Variants in TRHDE observed in about 807,000 individuals in gnomAD.
The protein encoded by TRHDE is thyrotropin releasing hormone degrading enzyme, also known as thyrotropin-releasing hormone-degrading ectoenzyme.
In TRHDE, 72 loss-of-function variants were observed where a neutral mutation model predicts 125.7. That is an observed-to-expected ratio of 0.57 (90% CI 0.47 to 0.70). TRHDE has a LOEUF of 0.70. TRHDE is among the 30% of genes least tolerant of loss of function. The pLI, the probability that TRHDE is intolerant of heterozygous loss-of-function variation, is 0.00. For synonymous variants in TRHDE, 509 were observed against 509.1 expected, an observed-to-expected ratio of 1.00 and a Z score of 0.00; for missense variants, 1,110 against 1,327.1, an observed-to-expected ratio of 0.84 and a Z score of 2.54.
At chr12:72,515,086 T>C (rs11179229) in intron 6 of TRHDE, among the ~76,000 whole-genome samples, 38,770 of 119,030 alleles carry the variant, frequency 0.33, 7,790 homozygotes, top group African/African-American at 0.66. Flanking sequence ...TGAATAGTGC[T>C]GCAATAAACA....
chr12:72,616,485 A>C (rs1217979127), intron 12 of TRHDE, among the ~76,000 whole-genome samples: 1 of 151,994 alleles, frequency 6.6e-6, no homozygotes, highest in Non-Finnish European at 1.5e-5. Flanking sequence ...GAGATAAATT[A>C]TTTGCCTAAT....
Position 72,666,236 on chromosome 12 carries a change from G to A in TRHDE, c.*3041G>A, listed in dbSNP as rs1041218026. 9 of 152,026 alleles carry A rather than the reference G, an allele frequency of 5.9e-5. No homozygotes were observed. The highest frequency in any genetic ancestry group is 2.2e-4 in the African/African-American group (9 of 41,426). The allele number at this position is 152,026 out of a possible 1,614,324, so 9.4% of individuals were successfully genotyped here. ...TGATGAGAAAACTGGGGCTCAGGTAGCAACATGAGCTATTTAAAACTACAA... is the reference window on the plus strand; with the variant it reads ...TGATGAGAAAACTGGGGCTCAGGTAACAACATGAGCTATTTAAAACTACAA... On this transcript the variant is annotated 3_prime_UTR_variant, in exon 19 of 19. Coordinates refer to ENST00000261180, the MANE Select transcript of TRHDE (RefSeq NM_013381.3).
intron 12 of TRHDE, among the ~76,000 whole-genome samples, chr12:72,590,587 C>G (rs919920217): frequency 6.6e-6 from 1 of 151,954 alleles, no homozygotes; most frequent in African/African-American, 2.4e-5. Context: ...TTCCTTGTAC[C>G]TGGTGATACA....
At chr12:72,260,930 G>C (rs976586637) in intron 2 of TRHDE, among the ~76,000 whole-genome samples, 3 of 152,104 alleles carry the variant, frequency 2.0e-5, no homozygotes, top group Non-Finnish European at 4.4e-5. Flanking sequence ...CAAGAGTCTT[G>C]CTACAGTCTT....
chr12:72,441,999 G>T (rs1406526742), intron 3 of TRHDE, among the ~76,000 whole-genome samples: 1 of 151,812 alleles, frequency 6.6e-6, no homozygotes, highest in Admixed American at 6.6e-5. Context: ...GTTAACTGAA[G>T]CTACAAGTCT....
chr12:72,567,532 CT>C (rs1870506933), intron 9 of TRHDE, among the ~76,000 whole-genome samples: 1 of 151,878 alleles, frequency 6.6e-6, no homozygotes, highest in Non-Finnish European at 1.5e-5. Flanking sequence ...AGGAAATGCC[CT>C]TCTCTCTCAC....
chr12:72,170,009 C>T (rs1267764348), intron 2 of TRHDE, among the ~76,000 whole-genome samples: 1 of 152,122 alleles, frequency 6.6e-6, no homozygotes. Flanking sequence ...GCAACTTCCA[C>T]AAGGTAGAAT....
At chr12:72,146,220 T>C (rs1876223413) in intron 2 of TRHDE, among the ~76,000 whole-genome samples, 2 of 152,188 alleles carry the variant, frequency 1.3e-5, no homozygotes, top group Non-Finnish European at 2.9e-5. Flanking sequence ...CTTTGTCTTG[T>C]TTAAATACTC....
chr12:72,354,928 A>G (rs1870744862), intron 2 of TRHDE, among the ~76,000 whole-genome samples: 1 of 151,432 alleles, frequency 6.6e-6, no homozygotes, highest in South Asian at 2.1e-4. Flanking sequence ...AAATGTGATA[A>G]GTACTATGAG....
At chr12:72,240,374 T>C (rs1030657148) in intron 2 of TRHDE, among the ~76,000 whole-genome samples, 2 of 149,732 alleles carry the variant, frequency 1.3e-5, no homozygotes, top group Non-Finnish European at 3.0e-5. Context: ...TTTGAATATA[T>C]ATGTAAATCA....
At chr12:72,126,615 AT>A (rs1875719607) in intron 2 of TRHDE, among the ~76,000 whole-genome samples, 1 of 152,234 alleles carries the variant, frequency 6.6e-6, no homozygotes, top group South Asian at 2.1e-4. Flanking sequence ...AGGAATCCCT[AT>A]TTAATAAATG....
intron 2 of TRHDE, among the ~76,000 whole-genome samples, chr12:72,372,698 G>A (rs561109213): frequency 3.3e-5 from 5 of 152,302 alleles, no homozygotes; most frequent in African/African-American, 1.2e-4. Context: ...TCAGATGGTT[G>A]TAGATATGCG....
intron 2 of TRHDE, among the ~76,000 whole-genome samples, chr12:72,355,266 T>C (rs924693267): frequency 2.0e-5 from 3 of 151,570 alleles, no homozygotes; most frequent in African/African-American, 7.3e-5. Context: ...TAAAAGTTAA[T>C]TCAGAAGTGG....
intron 15 of TRHDE, among the ~76,000 whole-genome samples, chr12:72,629,745 C>G (rs1343566307): frequency 6.6e-6 from 1 of 151,574 alleles, no homozygotes; most frequent in East Asian, 1.9e-4. Flanking sequence ...TTGCCAACCA[C>G]TACAAAGAAG....
chr12:72,154,175 T>G (rs565788487), intron 2 of TRHDE, among the ~76,000 whole-genome samples: 15 of 152,294 alleles, frequency 9.8e-5, no homozygotes, highest in African/African-American at 3.6e-4. Context: ...TCTTTTGATC[T>G]TTGTTGGTTT....
chr12:72,424,814 A>G (rs941589883), intron 3 of TRHDE, among the ~76,000 whole-genome samples: 2 of 152,190 alleles, frequency 1.3e-5, no homozygotes, highest in Non-Finnish European at 2.9e-5. Flanking sequence ...TCTTTGAGAA[A>G]CTAACACCCA....
rs191007268 is a variant in TRHDE at position 72,104,404 on chromosome 12, A to G, written n.175-1244A>G. Among the ~76,000 whole-genome samples, 178 of 152,302 alleles carry G rather than the reference A, an allele frequency of 1.2e-3. 1 individual carries two copies. The highest frequency in any genetic ancestry group is 4.0e-3 in the African/African-American group (168 of 41,564). Reference sequence around the variant, plus strand: ...AAAGCACACTTAGACTCAGTTCTTAAAGATTAATGTAATACTTGGTTTCCT... The same window carrying G: ...AAAGCACACTTAGACTCAGTTCTTAGAGATTAATGTAATACTTGGTTTCCT... On this transcript the variant is annotated intron_variant and non_coding_transcript_variant, in intron 1 of 4. Coordinates refer to the TRHDE transcript ENST00000548156.
At position 72,575,340 on chromosome 12, in the gene TRHDE, C is replaced by A. The variant is rs1870940601; in HGVS notation, c.2217C>A (p.Asp739Glu). The A allele has an allele frequency of 1.9e-6, 3 of 1,613,334 alleles. No homozygotes were observed. Among genetic ancestry groups the A allele is most frequent in the Non-Finnish European group, 2.5e-6 (3 of 1,179,652 alleles). Residue 739 changes from aspartate to glutamate, a missense_variant, in exon 11 of 19, where the codon GAC becomes GAA. Around this residue, in one of 5 missense-constraint regions of TRHDE, gnomAD observed 527 missense variants for 651.8 expected, o/e 0.81. Transcript: ENST00000261180. ...NQTGYFRVNYDLRNWRLLIDQ... is the reference protein window; with the variant it reads ...NQTGYFRVNYELRNWRLLIDQ... ...CTGGCTATTTTAGAGTCAACTATGA[C>A]CTAAGGAACTGGAGATTATTAATTG...
At chr12:72,422,463 G>A (rs76418208) in intron 3 of TRHDE, among the ~76,000 whole-genome samples, 6,050 of 152,196 alleles carry the variant, frequency 0.04, 435 homozygotes, top group African/African-American at 0.14. Context: ...CAATTCTAGC[G>A]TGTGATTTAC....
Sources: gnomAD v4.1 joint callset for allele counts (sites outside exome capture counted in the v4.1 genomes callset) on GRCh38, gnomAD v4.1.1 for gene constraint, gnomAD v4.1.1 regional missense constraint, MANE v1.5 for transcripts, NCBI Gene and HGNC (gene_info 2026-07-23, HGNC 2026-07-21) for gene names.